Variants in CC2D2B observed in about 807,000 individuals in gnomAD.
CC2D2B encodes protein CC2D2B.
Under a neutral mutation model 161.2 loss-of-function variants are expected in CC2D2B, and 128 were observed. The ratio of observed to expected loss-of-function variants is 0.79; its 90% CI spans 0.69 to 0.92. The LOEUF (loss-of-function observed/expected upper bound fraction) is 0.92. CC2D2B is among the 40% of genes least tolerant of loss of function. The probability of loss-of-function intolerance (pLI) is 0.00; values close to 1 mark genes in which losing one functional copy is unlikely to be tolerated. For missense variants in CC2D2B, 1,173 were observed against 1,375.1 expected (o/e 0.85, Z 2.32); for synonymous variants, 391 against 449.8 (o/e 0.87, Z 1.65).
At chr10:95,933,517 G>T (rs1757114065) in intron 6 of CC2D2B, among the ~76,000 whole-genome samples, 1 of 152,100 alleles carries the variant, frequency 6.6e-6, no homozygotes, top group African/African-American at 2.4e-5. Flanking sequence ...CATCTTCATG[G>T]ATTTATTTAC....
At chr10:96,031,520 A>T (rs1333085302) in intron 34 of CC2D2B, among the ~76,000 whole-genome samples, 1 of 152,198 alleles carries the variant, frequency 6.6e-6, no homozygotes, top group Non-Finnish European at 1.5e-5. Context: ...TCTCACCAGC[A>T]GTTTGCTCTC....
At chr10:96,014,999 C>T (rs1406041883) in intron 29 of CC2D2B, among the ~76,000 whole-genome samples, 1 of 152,126 alleles carries the variant, frequency 6.6e-6, no homozygotes, top group Non-Finnish European at 1.5e-5. Flanking sequence ...AGCTCCCCAC[C>T]CCTTATCCCC....
Position 95,981,960 on chromosome 10 carries a change from T to C in CC2D2B, c.1944-15T>C, listed in dbSNP as rs563012511. The C allele has an allele frequency of 8.0e-5, 97 of 1,207,942 alleles. 3 individuals are homozygous for C. In the South Asian group the frequency reaches 3.9e-3, roughly 49 times the overall value. 74.8% of individuals were successfully genotyped at this position (1,207,942 alleles called of 1,614,324 possible). The stretch of plus-strand genomic sequence containing the variant: ...ATATTGTATGCAAGTTCACAAAATA[T>C]TTTCTCTATGTTAGTATGTTAAGGA... On this transcript the variant is annotated splice_polypyrimidine_tract_variant and intron_variant, in intron 17 of 34. Coordinates refer to ENST00000646931, the MANE Select transcript of CC2D2B (RefSeq NM_001349008.3).
chr10:95,995,167 G>T, intron 22 of CC2D2B, 102 bp from the exon 23 acceptor site: 1 of 561,826 alleles, frequency 1.8e-6, no homozygotes, highest in South Asian at 2.9e-5. Context: ...CAGAGAAACT[G>T]ACTTATATAT....
At position 96,031,885 on chromosome 10, in the gene CC2D2B, A is replaced by C. The variant is rs1229340838; in HGVS notation, c.4191A>C (p.Gln1397His). 2 of 1,613,826 alleles carry C rather than the reference A, an allele frequency of 1.2e-6. No individual in the cohort carries two copies. The highest frequency in any genetic ancestry group is 1.7e-6 in the Non-Finnish European group (2 of 1,179,774). Residue 1397 changes from glutamine (Q) to histidine (H), a missense_variant, in exon 35 of 35, where the codon CAA (glutamine) becomes CAC (histidine). Coordinates refer to ENST00000646931, the MANE Select transcript of CC2D2B (RefSeq NM_001349008.3). ...AGTCAATTATTGATGCTGTTTATCA[A>C]ACTGGAATTCACTCTGCTGAATTTC... ...DVQSIIDAVY[Q>H]TGIHSAEFPQ...
intron 2 of CC2D2B, among the ~76,000 whole-genome samples, chr10:95,917,594 A>G (rs1189289706): frequency 6.6e-6 from 1 of 152,188 alleles, no homozygotes; most frequent in South Asian, 2.1e-4. Flanking sequence ...AATGAGGCCT[A>G]CAAACAACAT....
At chr10:95,994,153 A>G (rs10882706) in intron 22 of CC2D2B, among the ~76,000 whole-genome samples, 15,245 of 149,734 alleles carry the variant, frequency 0.1, 1,582 homozygotes, top group East Asian at 0.58. Flanking sequence ...TGGTGGCCTC[A>G]AATGGCTGGG....
chr10:95,934,220 C>T (rs1049980720), intron 6 of CC2D2B, among the ~76,000 whole-genome samples: 4 of 152,126 alleles, frequency 2.6e-5, no homozygotes, highest in Non-Finnish European at 2.9e-5. Flanking sequence ...TAATGGCGGA[C>T]GCCCCTTCCC....
chr10:95,965,312 G>A (rs190344008), intron 12 of CC2D2B, among the ~76,000 whole-genome samples: 14 of 152,134 alleles, frequency 9.2e-5, no homozygotes, highest in South Asian at 2.1e-4. Flanking sequence ...CAGTCAATAC[G>A]TGTAAAGTAC....
intron 24 of CC2D2B, among the ~76,000 whole-genome samples, chr10:95,996,897 T>A (rs1400181994): frequency 6.6e-6 from 1 of 152,148 alleles, no homozygotes; most frequent in Non-Finnish European, 1.5e-5. Flanking sequence ...CCCTTATGAA[T>A]AGATTAATGT....
intron 30 of CC2D2B, among the ~76,000 whole-genome samples, chr10:96,016,990 T>C (rs2079229075): frequency 6.6e-6 from 1 of 152,202 alleles, no homozygotes; most frequent in Non-Finnish European, 1.5e-5. Context: ...AGTGCTGGGA[T>C]TACAGGCATG....
At chr10:95,910,782 C>CTT (rs1016834399) in intron 1 of CC2D2B, among the ~76,000 whole-genome samples, 1 of 151,984 alleles carries the variant, frequency 6.6e-6, no homozygotes, top group Non-Finnish European at 1.5e-5. Context: ...TAATCAGATC[C>CTT]TTTTTTTTCT....
intron 3 of CC2D2B, among the ~76,000 whole-genome samples, chr10:95,923,438 T>C (rs377415212): frequency 3.3e-5 from 5 of 152,218 alleles, no homozygotes; most frequent in African/African-American, 7.2e-5. Flanking sequence ...AGAAGTGTTA[T>C]AATGATTTTA....
chr10:96,012,164 T>C, intron 26 of CC2D2B, 21 bp from the exon 27 acceptor site: 1 of 648,750 alleles, frequency 1.5e-6, no homozygotes, highest in Non-Finnish European at 2.8e-6. Context: ...CATAATCCAT[T>C]ATACTGATAT....
intron 1 of CC2D2B, among the ~76,000 whole-genome samples, chr10:95,909,349 T>C (rs1425332846): frequency 1.3e-5 from 2 of 152,230 alleles, no homozygotes; most frequent in African/African-American, 4.8e-5. Flanking sequence ...TAGATTATTT[T>C]TACAAAATGC....
intron 24 of CC2D2B, among the ~76,000 whole-genome samples, chr10:96,000,427 G>C (rs1045407540): frequency 6.6e-6 from 1 of 151,972 alleles, no homozygotes; most frequent in Non-Finnish European, 1.5e-5. Flanking sequence ...GCAGTGGCGC[G>C]ATCTGGGCTC....
intron 28 of CC2D2B, 47 bp downstream of exon 28, chr10:96,012,776 C>G: frequency 8.5e-7 from 1 of 1,178,646 alleles, no homozygotes. Context: ...TAAAGGGCAT[C>G]TGTGAAGAAT....
At chr10:95,909,502 A>C (rs1287308840) in intron 1 of CC2D2B, among the ~76,000 whole-genome samples, 1 of 152,244 alleles carries the variant, frequency 6.6e-6, no homozygotes, top group Non-Finnish European at 1.5e-5. Context: ...ACTATGTGAC[A>C]ATAGATGAAC....
In CC2D2B at chr10:96,032,516, T is replaced by A. The variant is rs1463861722; in HGVS notation, c.*508T>A. On this transcript the variant is annotated 3_prime_UTR_variant, in exon 35 of 35. Coordinates refer to ENST00000646931, the MANE Select transcript of CC2D2B (RefSeq NM_001349008.3). ...CACTGTTATGAGGGAGAGCCCAGCC[T>A]TATAGAATGTTGTCACTACTAAACT... 1 of 268,036 alleles carries A rather than the reference T, an allele frequency of 3.7e-6. No homozygotes were observed. The highest frequency in any genetic ancestry group is 4.4e-5 in the Admixed American group (1 of 22,826). 16.6% of individuals were successfully genotyped at this position (268,036 alleles called of 1,614,324 possible).
Sources: allele counts gnomAD v4.1 joint callset (sites outside exome capture counted in the v4.1 genomes callset), GRCh38; gene constraint gnomAD v4.1.1; transcripts MANE v1.5; gene names NCBI Gene and HGNC (gene_info 2026-07-23, HGNC 2026-07-21).